The following RARB variants were observed in gnomAD, a reference collection of about 807,000 sequenced individuals.
RARB encodes retinoic acid receptor beta.
RARB carries 17 observed loss-of-function variants against 51.9 expected under a neutral mutation model. The ratio of observed to expected loss-of-function variants is 0.33; its 90% CI spans 0.22 to 0.49. RARB has a LOEUF of 0.49. Ranked by LOEUF, RARB falls within the 20% of genes least tolerant of loss-of-function variation. The pLI is 0.99. For synonymous variants in RARB, 215 were observed against 195.4 expected, an observed-to-expected ratio of 1.10 and a Z score of -0.84; for missense variants, 369 against 550.8, an observed-to-expected ratio of 0.67 and a Z score of 3.30.
chr3:25,297,150 G>A (rs1018900032), intron 5 of RARB, among the ~76,000 whole-genome samples: 2 of 152,178 alleles, frequency 1.3e-5, no homozygotes, highest in African/African-American at 2.4e-5. Flanking sequence ...ATGCAAAATG[G>A]TATGTTCCCA....
chr3:25,014,730 C>T (rs1276419965), intron 2 of RARB, among the ~76,000 whole-genome samples: 1 of 152,012 alleles, frequency 6.6e-6, no homozygotes, highest in East Asian at 1.9e-4. Flanking sequence ...AGTCTTGTAA[C>T]TACCCATTCC....
At chr3:24,924,911 G>T (rs1195935629) in intron 2 of RARB, among the ~76,000 whole-genome samples, 1 of 152,074 alleles carries the variant, frequency 6.6e-6, no homozygotes. Flanking sequence ...TGCTTAAGAT[G>T]ATGCCTGGCA....
chr3:25,114,577 G>A (rs189797710), intron 3 of RARB, among the ~76,000 whole-genome samples: 4 of 152,236 alleles, frequency 2.6e-5, no homozygotes, highest in Admixed American at 1.3e-4. Context: ...TTGTAAAATC[G>A]GGATCCAGCA....
At chr3:24,912,996 T>TTTTTTA (rs1491080482) in intron 2 of RARB, among the ~76,000 whole-genome samples, 1 of 133,006 alleles carries the variant, frequency 7.5e-6, no homozygotes, top group African/African-American at 2.9e-5. Flanking sequence ...TTTTTTTTTT[T>TTTTTTA]TGGAGACAGA....
intron 2 of RARB, among the ~76,000 whole-genome samples, chr3:24,947,277 A>G (rs988212289): frequency 6.6e-6 from 1 of 152,254 alleles, no homozygotes; most frequent in Non-Finnish European, 1.5e-5. Context: ...GTGAACCTAT[A>G]TAATATCTTC....
At chr3:24,891,116 A>C (rs1703369546) in intron 2 of RARB, among the ~76,000 whole-genome samples, 1 of 152,220 alleles carries the variant, frequency 6.6e-6, no homozygotes, top group African/African-American at 2.4e-5. Flanking sequence ...GATTTTAAAC[A>C]AATGAAATCC....
chr3:24,889,049 G>A (rs183235187), intron 2 of RARB, among the ~76,000 whole-genome samples: 13 of 152,276 alleles, frequency 8.5e-5, no homozygotes, highest in Admixed American at 8.5e-4. Context: ...TAGAAGATGG[G>A]ACGTTCTGCT....
At chr3:25,006,842 T>C (rs1575115754) in intron 2 of RARB, among the ~76,000 whole-genome samples, 2 of 152,198 alleles carry the variant, frequency 1.3e-5, no homozygotes, top group African/African-American at 2.4e-5. Flanking sequence ...ATTTGATTTA[T>C]AAATTCACTA....
intron 4 of RARB, among the ~76,000 whole-genome samples, chr3:25,141,605 G>T (rs1477051793): frequency 6.6e-6 from 1 of 152,170 alleles, no homozygotes; most frequent in Non-Finnish European, 1.5e-5. Context: ...TTTCAATCCT[G>T]TGATATTAAC....
intron 2 of RARB, among the ~76,000 whole-genome samples, chr3:25,012,615 T>G (rs1426318997): frequency 2.0e-5 from 3 of 152,150 alleles, no homozygotes; most frequent in Non-Finnish European, 4.4e-5. Flanking sequence ...GCTTCTGTAG[T>G]TTGGCATATT....
chr3:25,002,758 G>GTATATATATA (rs57131226), intron 2 of RARB, among the ~76,000 whole-genome samples: 18 of 125,230 alleles, frequency 1.4e-4, no homozygotes, highest in African/African-American at 6.6e-4. Flanking sequence ...CTGTGTGTGT[G>GTATATATATA]TGTATATATA....
intron 5 of RARB, among the ~76,000 whole-genome samples, chr3:25,402,598 T>A (rs1305165766): frequency 2.6e-5 from 4 of 152,182 alleles, no homozygotes; most frequent in Admixed American, 2.0e-4. Context: ...GTGATACATA[T>A]ACACAATGGA....
chr3:25,111,837 A>G (rs927392929), intron 3 of RARB, among the ~76,000 whole-genome samples: 1 of 151,970 alleles, frequency 6.6e-6, no homozygotes, highest in Non-Finnish European at 1.5e-5. Flanking sequence ...TCAGCCCCCA[A>G]AGTGCTGGGA....
At chr3:25,506,252 CAA>C (rs35856686) in intron 3 of RARB, among the ~76,000 whole-genome samples, 5,844 of 57,620 alleles carry the variant, frequency 0.1, 120 homozygotes, top group Non-Finnish European at 0.13. Context: ...GACTCCATCT[CAA>C]AAAAAAAAAA....
intron 2 of RARB, among the ~76,000 whole-genome samples, chr3:25,470,773 GTTGTTCGCCT>G (rs1695648747): frequency 6.6e-6 from 1 of 152,082 alleles, no homozygotes; most frequent in African/African-American, 2.4e-5. Context: ...TACATTTGCT[GTTGTTCGCCT>G]TTGTAGCACT....
chr3:25,351,459 A>G (rs1705567832), intron 5 of RARB, among the ~76,000 whole-genome samples: 1 of 151,998 alleles, frequency 6.6e-6, no homozygotes. Flanking sequence ...CTTGCATCTC[A>G]TTTGGTTACA....
chr3:24,997,402 C>G (rs80118761), intron 2 of RARB, among the ~76,000 whole-genome samples: 2,385 of 150,952 alleles, frequency 0.016, 59 homozygotes, highest in East Asian at 0.12. Flanking sequence ...TTAATCTAGT[C>G]TTTATCTTTT....
chr3:25,007,089 A>G (rs1697288585), intron 2 of RARB, among the ~76,000 whole-genome samples: 1 of 152,190 alleles, frequency 6.6e-6, no homozygotes, highest in Admixed American at 6.5e-5. Flanking sequence ...AGTTTGATTT[A>G]TGCTTCAGAC....
At chr3:24,981,660 G>A (rs1003077851) in intron 2 of RARB, among the ~76,000 whole-genome samples, 1 of 152,126 alleles carries the variant, frequency 6.6e-6, no homozygotes, top group Non-Finnish European at 1.5e-5. Flanking sequence ...ATTTGGGCAG[G>A]AGTGCATGGC....
Sources: allele counts gnomAD v4.1 joint callset (sites outside exome capture counted in the v4.1 genomes callset), GRCh38; gene constraint gnomAD v4.1.1; transcripts MANE v1.5; gene names NCBI Gene and HGNC (gene_info 2026-07-23, HGNC 2026-07-21).